SPATA31H1: variants seen among roughly 807,000 people sequenced by gnomAD.
The protein encoded by SPATA31H1 is spermatogenesis-associated protein 31H1.
the SPATA31H1 span, chr2:27,566,143 G>A: frequency 1.4e-6 from 1 of 717,182 alleles, no homozygotes; most frequent in Non-Finnish European, 2.6e-6. Flanking sequence ...TAAATTCTGT[G>A]AAAGTTAGAC....
the SPATA31H1 span, chr2:27,581,569 C>T: frequency 1.4e-6 from 2 of 1,464,374 alleles, no homozygotes; most frequent in Non-Finnish European, 1.8e-6. Context: ...CGCAGTTCCT[C>T]TGAGAGAAGA....
At chr2:27,566,833 G>T in the SPATA31H1 span, 1 of 717,766 alleles carries the variant, frequency 1.4e-6, no homozygotes, top group Non-Finnish European at 2.6e-6. Context: ...CTATGCTGTT[G>T]TGACTATAAG....
the SPATA31H1 span, among the ~76,000 whole-genome samples, chr2:27,544,693 C>G: frequency 6.6e-6 from 1 of 151,828 alleles, no homozygotes; most frequent in South Asian, 2.1e-4. Context: ...TGCCACCATG[C>G]CTGGCTAACT....
chr2:27,578,639 G>A, the SPATA31H1 span: 1 of 1,614,154 alleles, frequency 6.2e-7, no homozygotes, highest in Non-Finnish European at 8.5e-7. Flanking sequence ...AATCTACAGT[G>A]ATAAAAACAG....
chr2:27,545,037 TTTTGA>T, the SPATA31H1 span, among the ~76,000 whole-genome samples: 1 of 151,904 alleles, frequency 6.6e-6, no homozygotes, highest in Non-Finnish European at 1.5e-5. Flanking sequence ...TTTTTTTTTT[TTTTGA>T]GACAGAATCT....
At chr2:27,566,066 C>A in the SPATA31H1 span, 1,324 of 717,498 alleles carry the variant, frequency 1.8e-3, 6 homozygotes, top group Non-Finnish European at 2.7e-3. Flanking sequence ...AAGAAAACCT[C>A]AGGATGGCTT....
chr2:27,569,005 AC>A, the SPATA31H1 span: 1 of 398,986 alleles, frequency 2.5e-6, no homozygotes. Context: ...GACAACTGTC[AC>A]CAAGTGGAAA....
chr2:27,578,429 A>G, the SPATA31H1 span: 2 of 1,614,106 alleles, frequency 1.2e-6, no homozygotes, highest in Admixed American at 3.3e-5. Context: ...AACCAATAGG[A>G]GTAGCCCTAG....
chr2:27,573,730 G>A, the SPATA31H1 span: 1 of 398,492 alleles, frequency 2.5e-6, no homozygotes, highest in Non-Finnish European at 4.4e-6. Context: ...TTGGAGGCAT[G>A]CCCAGGAACA....
At chr2:27,577,509 C>T in the SPATA31H1 span, 1 of 1,614,078 alleles carries the variant, frequency 6.2e-7, no homozygotes, top group Non-Finnish European at 8.5e-7. The surrounding 1 kb of genome is among the most constrained non-coding windows in gnomAD (Gnocchi z 4.5). Context: ...AAGGCTCTGT[C>T]CTCAAAACTT....
chr2:27,582,420 C>T, the SPATA31H1 span: 2 of 1,614,242 alleles, frequency 1.2e-6, no homozygotes, highest in Non-Finnish European at 1.7e-6. Flanking sequence ...TGGAGAGAGG[C>T]CCAGCCATAG....
the SPATA31H1 span, chr2:27,580,725 T>A: frequency 6.2e-7 from 1 of 1,614,198 alleles, no homozygotes; most frequent in East Asian, 2.2e-5. Flanking sequence ...AGACAATTTG[T>A]GGGCAAGCAA....
At chr2:27,567,654 G>A in the SPATA31H1 span, 2 of 400,820 alleles carry the variant, frequency 5.0e-6, no homozygotes, top group African/African-American at 4.1e-5. Context: ...AAGAAGTTTA[G>A]AACTTAATGT....
At chr2:27,576,921 G>A in the SPATA31H1 span, 2 of 1,613,914 alleles carry the variant, frequency 1.2e-6, no homozygotes, top group African/African-American at 1.3e-5. Flanking sequence ...TCAAATCATG[G>A]AATCCTCTGA....
chr2:27,541,262 G>A, the SPATA31H1 span, among the ~76,000 whole-genome samples: 102 of 151,990 alleles, frequency 6.7e-4, 1 homozygote, highest in African/African-American at 2.3e-3. Flanking sequence ...TGGCGTGGCG[G>A]CGAGCGCCTG....
chr2:27,553,376 C>T, the SPATA31H1 span, among the ~76,000 whole-genome samples: 1 of 152,062 alleles, frequency 6.6e-6, no homozygotes, highest in Non-Finnish European at 1.5e-5. Context: ...TTCAACCTGG[C>T]AGTTTTCCTG....
At chr2:27,550,401 T>C in the SPATA31H1 span, among the ~76,000 whole-genome samples, 1 of 149,798 alleles carries the variant, frequency 6.7e-6, no homozygotes, top group South Asian at 2.1e-4. Flanking sequence ...TTAGTATGAA[T>C]GGGTGTTAAA....
the SPATA31H1 span, chr2:27,579,773 C>G: frequency 1.9e-6 from 3 of 1,614,076 alleles, no homozygotes; most frequent in Non-Finnish European, 2.5e-6. Context: ...AACACTCCCT[C>G]AAGCCAAATT....
the SPATA31H1 span, chr2:27,574,657 G>T: frequency 2.5e-6 from 1 of 398,448 alleles, no homozygotes. Context: ...TTGATTCAGG[G>T]AACAAACCAT....
Sources: allele counts gnomAD v4.1 joint callset (sites outside exome capture counted in the v4.1 genomes callset), GRCh38; gene constraint gnomAD v4.1.1; non-coding constraint Gnocchi (gnomAD v3.1); transcripts MANE v1.5; gene names NCBI Gene and HGNC (gene_info 2026-07-23, HGNC 2026-07-21).